Variants in TULP4 observed in about 807,000 individuals in gnomAD.
TULP4 encodes TUB like protein 4.
TULP4 carries 16 observed loss-of-function variants against 129.0 expected under a neutral mutation model. The observed-to-expected ratio is 0.12, with a 90% CI of 0.08 to 0.19. TULP4 has a LOEUF of 0.19. Among genes scored for constraint, TULP4 ranks in the 10% least tolerant of loss-of-function variants. TULP4 has a pLI of 1.00. For missense variants in TULP4, 1,842 were observed against 2,059.1 expected, an observed-to-expected ratio of 0.89 and a Z score of 2.04; for synonymous variants, 998 against 854.0, an observed-to-expected ratio of 1.17 and a Z score of -2.94.
chr6:158,397,285 A>T (rs943294652), intron 1 of TULP4, among the ~76,000 whole-genome samples: 1 of 152,188 alleles, frequency 6.6e-6, no homozygotes, highest in Non-Finnish European at 1.5e-5. Context: ...GTTCTCCCCT[A>T]TCCAGGCACA....
intron 1 of TULP4, chr6:158,238,084 G>A (rs1777755250): frequency 7.0e-6 from 5 of 711,624 alleles, no homozygotes; most frequent in Middle Eastern, 3.5e-4. Context: ...TCTTCTTCAT[G>A]GCTACACATG....
At chr6:158,287,439 A>G (rs576538745) in intron 1 of TULP4, among the ~76,000 whole-genome samples, 1 of 152,358 alleles carries the variant, frequency 6.6e-6, no homozygotes, top group East Asian at 1.9e-4. Context: ...TCAACTGAAC[A>G]TGCATTTATT....
rs371631570 is a variant in TULP4 at position 158,489,552 on chromosome 6, A to T, written c.1487-36A>T. On this transcript the variant is annotated intron_variant, in intron 8 of 13. Coordinates refer to ENST00000367097, the MANE Select transcript of TULP4 (RefSeq NM_020245.5). ...TCATTGGTAGGGGCTAATTGATATA[A>T]CTTCCCTTGAAATCTGCTGGTTGGT... 3.1e-6 allele frequency: 5 copies of T among 1,612,972 alleles called. No homozygotes were observed. The African/African-American group carries it at 6.7e-5, about 22-fold the overall frequency.
At chr6:158,325,601 C>T (rs1197444430) in intron 1 of TULP4, among the ~76,000 whole-genome samples, 2 of 152,272 alleles carry the variant, frequency 1.3e-5, no homozygotes, top group African/African-American at 4.8e-5. Flanking sequence ...ATCCGCCCGC[C>T]TCGGCCTCCC....
intron 1 of TULP4, among the ~76,000 whole-genome samples, chr6:158,318,459 C>A (rs76006460): frequency 6.6e-6 from 1 of 152,174 alleles, no homozygotes; most frequent in African/African-American, 2.4e-5. Context: ...CAGTGCCTGA[C>A]GTGGTTTCAG....
intron 1 of TULP4, among the ~76,000 whole-genome samples, chr6:158,323,850 C>A (rs1779689873): frequency 1.3e-5 from 2 of 152,200 alleles, no homozygotes; most frequent in African/African-American, 4.8e-5. Context: ...TTGGAAACTG[C>A]AGCTTTAGGT....
At chr6:158,350,376 G>A (rs1031637458) in intron 1 of TULP4, among the ~76,000 whole-genome samples, 5 of 152,098 alleles carry the variant, frequency 3.3e-5, no homozygotes, top group East Asian at 3.9e-4. Context: ...CAAGGCAGGC[G>A]GCTGGGAGGG....
At chr6:158,338,654 C>T (rs761752055) in intron 1 of TULP4, among the ~76,000 whole-genome samples, 28 of 152,150 alleles carry the variant, frequency 1.8e-4, no homozygotes, top group Non-Finnish European at 3.1e-4. Flanking sequence ...TTATGTTGCA[C>T]CTGCAGTGGG....
intron 3 of TULP4, among the ~76,000 whole-genome samples, chr6:158,440,360 T>G (rs1427703825): frequency 1.4e-5 from 2 of 143,970 alleles, no homozygotes; most frequent in Non-Finnish European, 3.0e-5. Flanking sequence ...CCTACTAAAG[T>G]AAAATCTCAA....
rs761060509 is a variant in TULP4, at chr6:158,502,828, T to A, written c.3165T>A (p.His1055Gln). Reference protein sequence around the residue: ...PSSQPGASLAHTASASPLASQ... With the variant: ...PSSQPGASLAQTASASPLASQ... ...CACAGCCCGGAGCCTCCCTGGCCCA[T>A]ACCGCCAGCGCCTCCCCGTTGGCCT... is the stretch of plus-strand genomic sequence containing the variant. Residue 1055 changes from histidine to glutamine, a missense_variant, in exon 13 of 14, where the codon CAT (histidine) becomes CAA (glutamine). Coordinates refer to ENST00000367097, the MANE Select transcript of TULP4 (RefSeq NM_020245.5). 6.2e-7 allele frequency: 1 copy of A among 1,612,922 alleles called. No individual in the cohort carries two copies. Among genetic ancestry groups the A allele is most frequent in the Admixed American group, 1.7e-5 (1 of 59,998 alleles).
intron 1 of TULP4, among the ~76,000 whole-genome samples, chr6:158,362,228 T>C (rs2114839323): frequency 6.6e-6 from 1 of 152,352 alleles, no homozygotes; most frequent in Non-Finnish European, 1.5e-5. Context: ...TCCTGCAAAA[T>C]GATCCTTTAT....
chr6:158,300,104 A>T (rs866530822), intron 1 of TULP4, among the ~76,000 whole-genome samples: 8 of 152,304 alleles, frequency 5.3e-5, no homozygotes, highest in East Asian at 1.9e-4. Flanking sequence ...CTCACCAGGT[A>T]TGAAGGTGGT....
chr6:158,258,972 G>A (rs1214678680), intron 1 of TULP4, among the ~76,000 whole-genome samples: 1 of 152,186 alleles, frequency 6.6e-6, no homozygotes, highest in Non-Finnish European at 1.5e-5. Flanking sequence ...GCTCATGCCT[G>A]TAATCCCAGC....
At chr6:158,421,175 C>A (rs1222769426) in intron 2 of TULP4, among the ~76,000 whole-genome samples, 3 of 152,120 alleles carry the variant, frequency 2.0e-5, no homozygotes, top group Non-Finnish European at 4.4e-5. Flanking sequence ...TCCTGGCTAA[C>A]ACGGTGAAAC....
At chr6:158,294,311 C>A (rs946226716) in intron 1 of TULP4, among the ~76,000 whole-genome samples, 1 of 150,690 alleles carries the variant, frequency 6.6e-6, no homozygotes, top group Non-Finnish European at 1.5e-5. Context: ...TGCAATGAGC[C>A]GAGACCGTGC....
At chr6:158,246,023 GGTGT>G (rs66690741) in intron 1 of TULP4, among the ~76,000 whole-genome samples, 3,855 of 145,866 alleles carry the variant, frequency 0.026, 81 homozygotes, top group East Asian at 0.13. Context: ...ACCCCTTAGG[GGTGT>G]GTGTGTGTGT....
intron 1 of TULP4, among the ~76,000 whole-genome samples, chr6:158,361,182 C>T (rs924463817): frequency 2.0e-5 from 3 of 152,214 alleles, no homozygotes; most frequent in Non-Finnish European, 4.4e-5. Flanking sequence ...GTACTTCCAT[C>T]TGTCCAGTCC....
chr6:158,262,943 TCTGGGAC>T (rs1778376914), intron 1 of TULP4, among the ~76,000 whole-genome samples: 1 of 70,776 alleles, frequency 1.4e-5, no homozygotes, highest in South Asian at 4.4e-4. Context: ...GTCATTTCTC[TCTGGGAC>T]CCGTCATCAT....
At chr6:158,401,650 G>A (rs1329346) in intron 1 of TULP4, among the ~76,000 whole-genome samples, 26,869 of 151,986 alleles carry the variant, frequency 0.18, 3,255 homozygotes, top group East Asian at 0.57. Context: ...TTCTAAGCAT[G>A]TGGCAGGTAG....
Sources: gnomAD v4.1 joint callset for allele counts (sites outside exome capture counted in the v4.1 genomes callset) on GRCh38, gnomAD v4.1.1 for gene constraint, MANE v1.5 for transcripts, NCBI Gene and HGNC (gene_info 2026-07-23, HGNC 2026-07-21) for gene names.